Variants in SGCD observed in about 807,000 individuals in gnomAD.
The protein encoded by SGCD is delta-sarcoglycan.
SGCD carries 18 observed loss-of-function variants against 36.6 expected under a neutral mutation model. The observed-to-expected ratio is 0.49, with a 90% CI of 0.34 to 0.73. The LOEUF (loss-of-function observed/expected upper bound fraction) is 0.73, where lower values mean the gene tolerates loss of function less well. Among genes scored for constraint, SGCD ranks in the 30% least tolerant of loss-of-function variants. The pLI is 0.01. For missense variants in SGCD, 387 were observed against 346.7 expected, an observed-to-expected ratio of 1.12 and a Z score of -0.92; for synonymous variants, 133 against 130.6, an observed-to-expected ratio of 1.02 and a Z score of -0.12.
In SGCD at chr5:156,683,526, T is replaced by C. The variant is rs1753796280; in HGVS notation, c.575+35990T>C. On this transcript the variant is annotated intron_variant, in intron 7 of 8. Coordinates refer to ENST00000337851, the MANE Select transcript of SGCD (RefSeq NM_000337.6). Reference sequence around the variant, plus strand: ...TTCTGTAGACAACATTATATTTTGCTGAGTTATAGAAATTCTTCTATTTCT... The same window carrying C: ...TTCTGTAGACAACATTATATTTTGCCGAGTTATAGAAATTCTTCTATTTCT... Among the ~76,000 whole-genome samples, 4 of 152,388 alleles carry C rather than the reference T, an allele frequency of 2.6e-5. No individual in the cohort carries two copies. The South Asian group carries it at 8.3e-4, about 32-fold the overall frequency.
chr5:156,360,099 TC>T (rs1172934721), intron 3 of SGCD, among the ~76,000 whole-genome samples: 1 of 152,150 alleles, frequency 6.6e-6, no homozygotes, highest in Non-Finnish European at 1.5e-5. Flanking sequence ...AAACCCCACC[TC>T]CAAGCTAAAG....
intron 1 of SGCD, among the ~76,000 whole-genome samples, chr5:155,887,150 C>G (rs1252757511): frequency 6.6e-6 from 1 of 152,176 alleles, no homozygotes; most frequent in Non-Finnish European, 1.5e-5. Flanking sequence ...AGAGACTTTC[C>G]TGCTTCACAC....
chr5:156,023,281 A>G (rs1759150154), intron 1 of SGCD, among the ~76,000 whole-genome samples: 1 of 152,216 alleles, frequency 6.6e-6, no homozygotes, highest in Admixed American at 6.5e-5. Context: ...GGTGGTACAA[A>G]TGATTCTTTG....
intron 3 of SGCD, among the ~76,000 whole-genome samples, chr5:156,254,219 G>T (rs993928549): frequency 1.3e-5 from 2 of 152,088 alleles, no homozygotes; most frequent in African/African-American, 4.8e-5. Flanking sequence ...AATGATGTAT[G>T]CTCTAGACAT....
At chr5:156,262,692 A>G (rs1274941889) in intron 3 of SGCD, among the ~76,000 whole-genome samples, 2 of 151,922 alleles carry the variant, frequency 1.3e-5, no homozygotes, top group Admixed American at 6.6e-5. Context: ...CCCTCCACCT[A>G]TCCTTTCCCC....
At chr5:156,597,382 G>T (rs564167055) in intron 6 of SGCD, among the ~76,000 whole-genome samples, 37 of 152,244 alleles carry the variant, frequency 2.4e-4, no homozygotes, top group Admixed American at 2.2e-3. Context: ...GGCTGGAGAG[G>T]CCTCACAATC....
At chr5:156,277,504 G>A (rs1380718983) in intron 3 of SGCD, among the ~76,000 whole-genome samples, 1 of 152,176 alleles carries the variant, frequency 6.6e-6, no homozygotes, top group Admixed American at 6.5e-5. Flanking sequence ...AGGATTTGCT[G>A]TAGAGTATTG....
intron 6 of SGCD, among the ~76,000 whole-genome samples, chr5:156,602,110 C>T (rs901890147): frequency 6.6e-6 from 1 of 152,128 alleles, no homozygotes; most frequent in Non-Finnish European, 1.5e-5. Flanking sequence ...TTTGTGTCCT[C>T]TTCAATTTAT....
chr5:155,931,351 C>T (rs760965147), intron 1 of SGCD, among the ~76,000 whole-genome samples: 1 of 152,164 alleles, frequency 6.6e-6, no homozygotes, highest in Admixed American at 6.5e-5. Context: ...ATTGCTTCAA[C>T]ATCTTAATGG....
intron 1 of SGCD, among the ~76,000 whole-genome samples, chr5:155,946,262 C>T (rs1459143955): frequency 6.6e-6 from 1 of 152,080 alleles, no homozygotes; most frequent in Non-Finnish European, 1.5e-5. Context: ...ATTTAATTAT[C>T]ATAACCACCT....
intron 4 of SGCD, among the ~76,000 whole-genome samples, chr5:156,561,610 G>A (rs1759270163): frequency 6.6e-6 from 1 of 152,126 alleles, no homozygotes; most frequent in Non-Finnish European, 1.5e-5. Context: ...CTTTTCTGAA[G>A]GTAGAAATAA....
chr5:156,406,708 C>T (rs1772426377), intron 3 of SGCD, among the ~76,000 whole-genome samples: 1 of 149,636 alleles, frequency 6.7e-6, no homozygotes, highest in Non-Finnish European at 1.5e-5. Flanking sequence ...TCTGTTTTTA[C>T]AGAGGATGAA....
chr5:156,015,330 T>G (rs1758946031), intron 1 of SGCD, among the ~76,000 whole-genome samples: 1 of 152,186 alleles, frequency 6.6e-6, no homozygotes, highest in Admixed American at 6.5e-5. Flanking sequence ...TATTCCACAC[T>G]TGGCCAGTAG....
intron 3 of SGCD, among the ~76,000 whole-genome samples, chr5:156,486,931 C>T (rs575648852): frequency 6.6e-6 from 1 of 152,294 alleles, no homozygotes; most frequent in East Asian, 1.9e-4. Flanking sequence ...GCCCCTGTTA[C>T]CACCACTGAT....
At chr5:156,638,125 CTT>C (rs1168701743) in intron 6 of SGCD, among the ~76,000 whole-genome samples, 1 of 144,490 alleles carries the variant, frequency 6.9e-6, no homozygotes, top group Non-Finnish European at 1.5e-5. Context: ...AAATCATACA[CTT>C]TTTTTTTTTT....
chr5:156,007,646 G>A (rs958491744), intron 1 of SGCD, among the ~76,000 whole-genome samples: 21 of 152,194 alleles, frequency 1.4e-4, no homozygotes, highest in Non-Finnish European at 2.2e-4. Flanking sequence ...GGCTCTGGGG[G>A]TAGTAGACAG....
rs554016309 is a variant in SGCD, at chr5:156,485,613, G to A, written c.193-22988G>A. ...AGGAGGTGGAGGCTGCAGTGATCAC[G>A]CCATTGCACTCTAGCCTGGATGGCA... On this transcript the variant is annotated intron_variant, in intron 3 of 8. Transcript: ENST00000337851. Among the ~76,000 whole-genome samples, 59 of 152,162 alleles carry A rather than the reference G, an allele frequency of 3.9e-4. 1 individual carries two copies. The highest frequency in any genetic ancestry group is 3.1e-3 in the East Asian group (16 of 5,156).
chr5:156,215,980 C>G lies in SGCD; in HGVS notation c.-44+91961C>G, dbSNP rs555874561. Among the ~76,000 whole-genome samples the G allele has an allele frequency of 5.6e-4, 85 of 152,260 alleles. 1 individual carries two copies. Among genetic ancestry groups the G allele is most frequent in the African/African-American group, 1.9e-3 (81 of 41,550 alleles). On this transcript the variant is annotated intron_variant, in intron 3 of 9. Transcript: ENST00000517913. ...AGATAAAGAAAACATGGTATATATA[C>G]ATAATGGAATAGTATTTAGCCTTAA...
intron 1 of SGCD, among the ~76,000 whole-genome samples, chr5:156,023,463 A>C (rs1759154409): frequency 6.6e-6 from 1 of 152,238 alleles, no homozygotes; most frequent in South Asian, 2.1e-4. Flanking sequence ...CCTGCACCTG[A>C]GATTGAGTAG....
Sources: gnomAD v4.1 joint callset for allele counts (sites outside exome capture counted in the v4.1 genomes callset) on GRCh38, gnomAD v4.1.1 for gene constraint, MANE v1.5 for transcripts, NCBI Gene and HGNC (gene_info 2026-07-23, HGNC 2026-07-21) for gene names.